The following EPB41L3 variants were observed in gnomAD, a reference collection of about 807,000 sequenced individuals.
The protein encoded by EPB41L3 is erythrocyte membrane protein band 4.1 like 3, also known as band 4.1-like protein 3.
In EPB41L3, 57 loss-of-function variants were observed where a neutral mutation model predicts 127.1. That is an observed-to-expected ratio of 0.45 (90% confidence interval 0.36 to 0.56). The LOEUF is 0.56. Among genes scored for constraint, EPB41L3 ranks in the 20% least tolerant of loss-of-function variants. EPB41L3 has a pLI of 0.00. For missense variants in EPB41L3, 1,273 were observed against 1,372.2 expected, an observed-to-expected ratio of 0.93 and a Z score of 1.14; for synonymous variants, 572 against 549.5, an observed-to-expected ratio of 1.04 and a Z score of -0.57.
chr18:5,562,310 G>GT (rs1377740732), intron 3 of EPB41L3, among the ~76,000 whole-genome samples: 1 of 151,802 alleles, frequency 6.6e-6, no homozygotes, highest in African/African-American at 2.4e-5. Context: ...AAGTTTAAAG[G>GT]TAAAAAAAAA....
At chr18:5,436,640 C>A (rs2079878843) in intron 6 of EPB41L3, among the ~76,000 whole-genome samples, 1 of 151,986 alleles carries the variant, frequency 6.6e-6, no homozygotes, top group South Asian at 2.1e-4. Context: ...GATCTCCTGA[C>A]CTCATGATCC....
rs2077108155 is a variant in EPB41L3, at chr18:5,418,655, T to C, written c.1506+1056A>G. Among the ~76,000 whole-genome samples the C allele has an allele frequency of 4.6e-5, 7 of 152,340 alleles. No homozygotes were observed. The South Asian group carries it at 1.4e-3, about 32-fold the overall frequency. ...ATTTCCTACTCTCTGCTTAATTTTG[T>C]GTTTGCCAAATAAATAATCTTATCC... On this transcript the variant is annotated intron_variant, in intron 12 of 22. Transcript: ENST00000341928.
rs1380915115 is a variant in EPB41L3, at chr18:5,612,437, G to C, written c.-394-9C>G. Reference sequence around the variant, plus strand: ...CCCGTTCTATGCGAATCCTGGAAAAGCGTCCATGCCAGGTGTTCTTGATGT... The same window carrying C: ...CCCGTTCTATGCGAATCCTGGAAAACCGTCCATGCCAGGTGTTCTTGATGT... On this transcript the variant is annotated splice_polypyrimidine_tract_variant and intron_variant, in intron 2 of 21. Coordinates refer to the EPB41L3 transcript ENST00000545076. The C allele has an allele frequency of 2.0e-5, 3 of 152,252 alleles. No individual in the cohort carries two copies. The East Asian group carries it at 5.8e-4, about 29-fold the overall frequency. The allele number at this position is 152,252 out of a possible 1,614,324, so 9.4% of individuals were successfully genotyped here. A position where few individuals can be genotyped will look rare whatever the true frequency, so the allele number is the denominator to read the frequency against.
At chr18:5,444,724 C>T (rs908070607) in intron 4 of EPB41L3, among the ~76,000 whole-genome samples, 1 of 152,146 alleles carries the variant, frequency 6.6e-6, no homozygotes, top group Non-Finnish European at 1.5e-5. Context: ...ACTGCCCTGA[C>T]AGTTTATGGG....
At chr18:5,512,430 T>C (rs2092571410) in intron 1 of EPB41L3, among the ~76,000 whole-genome samples, 1 of 152,098 alleles carries the variant, frequency 6.6e-6, no homozygotes, top group African/African-American at 2.4e-5. Context: ...GGGCTGGTGA[T>C]GGTAAGACAG....
chr18:5,604,261 T>C (rs1225794500), intron 3 of EPB41L3, among the ~76,000 whole-genome samples: 4 of 152,074 alleles, frequency 2.6e-5, no homozygotes, highest in Non-Finnish European at 4.4e-5. Context: ...ACTCTTTTTT[T>C]TTTAATGATC....
intron 16 of EPB41L3, among the ~76,000 whole-genome samples, chr18:5,402,541 C>T (rs1414871071): frequency 6.6e-6 from 1 of 152,120 alleles, no homozygotes; most frequent in Admixed American, 6.5e-5. Flanking sequence ...ACAGTGTCTA[C>T]ATTCCAAACT....
intron 6 of EPB41L3, among the ~76,000 whole-genome samples, chr18:5,436,072 C>T (rs553332861): frequency 3.3e-5 from 5 of 152,220 alleles, no homozygotes; most frequent in African/African-American, 9.6e-5. Flanking sequence ...TTGTCTTCTC[C>T]GTTATTTTGC....
chr18:5,513,996 A>AAC (rs1277418772), intron 1 of EPB41L3, among the ~76,000 whole-genome samples: 1 of 152,216 alleles, frequency 6.6e-6, no homozygotes, highest in African/African-American at 2.4e-5. Context: ...AAAAAGTAAT[A>AAC]ATGACTTTGG....
chr18:5,534,901 A>C (rs900303617), intron 1 of EPB41L3, among the ~76,000 whole-genome samples: 36 of 152,028 alleles, frequency 2.4e-4, no homozygotes, highest in African/African-American at 8.2e-4. Flanking sequence ...TACCTAGCTC[A>C]AGGTTAGCAG....
At chr18:5,601,009 AAAC>A (rs1013992822) in intron 3 of EPB41L3, among the ~76,000 whole-genome samples, 8 of 152,304 alleles carry the variant, frequency 5.3e-5, no homozygotes, top group East Asian at 3.9e-4. Flanking sequence ...CATTGTTGTC[AAAC>A]AACAACAACA....
chr18:5,401,650 T>C (rs2074515177), intron 16 of EPB41L3, among the ~76,000 whole-genome samples: 1 of 152,156 alleles, frequency 6.6e-6, no homozygotes, highest in South Asian at 2.1e-4. Context: ...TGGTTAATAA[T>C]TTTTTAAAGT....
At chr18:5,461,046 T>C (rs2083912814) in intron 3 of EPB41L3, among the ~76,000 whole-genome samples, 1 of 152,162 alleles carries the variant, frequency 6.6e-6, no homozygotes, top group African/African-American at 2.4e-5. Flanking sequence ...CCCCCTATCA[T>C]GAGGAATTTG....
At chr18:5,505,342 T>C (rs1555772436) in intron 1 of EPB41L3, among the ~76,000 whole-genome samples, 1 of 152,076 alleles carries the variant, frequency 6.6e-6, no homozygotes, top group Non-Finnish European at 1.5e-5. Context: ...ATGCACCACA[T>C]GGTCCTTCAG....
At position 5,514,035 on chromosome 18, in the gene EPB41L3, T is replaced by C. The variant is rs1355879222; in HGVS notation, c.-11-24841A>G. 2.0e-5 allele frequency among the ~76,000 whole-genome samples: 3 copies of C among 152,198 alleles called. No individual in the cohort carries two copies. In the East Asian group the frequency reaches 5.8e-4, roughly 29 times the overall value. Reference sequence around the variant, plus strand: ...TGTTACTACAGAGGCCAAAGCATAATTATAAGGTTACAAAAGTGGAAGAAA... The same window carrying C: ...TGTTACTACAGAGGCCAAAGCATAACTATAAGGTTACAAAAGTGGAAGAAA... On this transcript the variant is annotated intron_variant, in intron 1 of 22. Coordinates refer to ENST00000341928, the MANE Select transcript of EPB41L3 (RefSeq NM_012307.5).
chr18:5,543,021 G>A lies in EPB41L3; in HGVS notation c.-12+892C>T, dbSNP rs1051060786. 6.6e-6 allele frequency among the ~76,000 whole-genome samples: 1 copy of A among 152,116 alleles called. No individual in the cohort carries two copies. Among genetic ancestry groups the A allele is most frequent in the Admixed American group, 6.5e-5 (1 of 15,286 alleles). ...CCACCGCGGCAGAGCCGCCTTCGCA[G>A]ACACCTCCCGAGGAGAATCGCGGCC... On this transcript the variant is annotated intron_variant, in intron 1 of 22. Coordinates refer to ENST00000341928, the MANE Select transcript of EPB41L3 (RefSeq NM_012307.5). The surrounding 1 kb of genome is among the most constrained non-coding windows in gnomAD (Gnocchi z 5.2).
At chr18:5,444,104 C>T (rs1359230520) in intron 4 of EPB41L3, among the ~76,000 whole-genome samples, 1 of 152,114 alleles carries the variant, frequency 6.6e-6, no homozygotes, top group Non-Finnish European at 1.5e-5. Flanking sequence ...TTGGGCCTGA[C>T]AAAAGTCTTT....
At chr18:5,566,695 TACCTG>T (rs1415295742) in intron 3 of EPB41L3, among the ~76,000 whole-genome samples, 1 of 152,098 alleles carries the variant, frequency 6.6e-6, no homozygotes. Flanking sequence ...AGCATCACAC[TACCTG>T]ACCTTTCTTT....
chr18:5,394,708 A>G lies in EPB41L3; in HGVS notation c.3239T>C (p.Ile1080Thr), dbSNP rs1289116363. The G allele has an allele frequency of 6.2e-6, 10 of 1,609,830 alleles. No individual in the cohort carries two copies. Among genetic ancestry groups the G allele is most frequent in the Admixed American group, 1.7e-5 (1 of 59,968 alleles). ...TKVVVHKETE[I>T]TPEDGED ...TCAATCCTCTCCATCTTCTGGTGTGATCTCTGTCTCTTTATGGACCACTAC... is the reference window on the plus strand; with the variant it reads ...TCAATCCTCTCCATCTTCTGGTGTGGTCTCTGTCTCTTTATGGACCACTAC... Residue 1080 changes from isoleucine to threonine, a missense_variant, in exon 22 of 23, where the codon ATC becomes ACC. Physicochemically the swap from Ile to Thr is moderately conservative, Grantham distance 89 (BLOSUM62 -1). Transcript: ENST00000341928.
Sources: allele counts gnomAD v4.1 joint callset (sites outside exome capture counted in the v4.1 genomes callset), GRCh38; gene constraint gnomAD v4.1.1; non-coding constraint Gnocchi (gnomAD v3.1); transcripts MANE v1.5; gene names NCBI Gene and HGNC (gene_info 2026-07-23, HGNC 2026-07-21).